The following LRRC37A2 variants were observed in gnomAD, a reference collection of about 807,000 sequenced individuals.
The protein encoded by LRRC37A2 is leucine rich repeat containing 37 member A2.
A neutral mutation model predicts 68.8 loss-of-function variants in LRRC37A2; 9 were observed. That is an observed-to-expected ratio of 0.13 (90% CI 0.08 to 0.23). The LOEUF is 0.23. Ranked by LOEUF, LRRC37A2 falls within the 10% of genes least tolerant of loss-of-function variation. The pLI is 1.00. For synonymous variants in LRRC37A2, 63 were observed against 367.6 expected, an observed-to-expected ratio of 0.17 and a Z score of 9.48; for missense variants, 168 against 950.4, an observed-to-expected ratio of 0.18 and a Z score of 10.82.
chr17:46,931,500 C>T, the LRRC37A2 span: 37 of 462,946 alleles, frequency 8.0e-5, no homozygotes, highest in Non-Finnish European at 1.2e-4. Context: ...CACCTGAAGC[C>T]TAATGTTGCC....
chr17:46,811,655 G>A, the LRRC37A2 span, among the ~76,000 whole-genome samples: 1 of 152,170 alleles, frequency 6.6e-6, no homozygotes, highest in Non-Finnish European at 1.5e-5. Flanking sequence ...TTGCCTCTCA[G>A]AAGATTCTAG....
At chr17:46,952,300 G>C in the LRRC37A2 span, among the ~76,000 whole-genome samples, 1 of 152,218 alleles carries the variant, frequency 6.6e-6, no homozygotes, top group Non-Finnish European at 1.5e-5. Flanking sequence ...ATGCAGGACT[G>C]GGTCAGCAGC....
chr17:46,473,915 C>A, the LRRC37A2 span, among the ~76,000 whole-genome samples: 1 of 106,722 alleles, frequency 9.4e-6, no homozygotes, highest in East Asian at 2.4e-4. Context: ...AACAAAACAA[C>A]GATTATATCC....
the LRRC37A2 span, chr17:46,476,918 G>C: frequency 3.1e-6 from 1 of 323,512 alleles, no homozygotes; most frequent in South Asian, 4.8e-5. Flanking sequence ...GGAGGGTCTG[G>C]TGCGAGCAGC....
At chr17:47,009,729 C>T in the LRRC37A2 span, among the ~76,000 whole-genome samples, 25 of 152,232 alleles carry the variant, frequency 1.6e-4, no homozygotes, top group Admixed American at 1.4e-3. Flanking sequence ...TGTCCCAGGG[C>T]GCCATGTGCT....
At chr17:46,535,483 GTA>G (rs1218825141) in intron 6 of LRRC37A2, among the ~76,000 whole-genome samples, 1 of 81,820 alleles carries the variant, frequency 1.2e-5, no homozygotes, top group African/African-American at 8.7e-5. Flanking sequence ...CTCATTATGT[GTA>G]TGTTAGTAAG....
chr17:46,924,235 T>C, the LRRC37A2 span: 1 of 181,328 alleles, frequency 5.5e-6, no homozygotes, highest in African/African-American at 2.3e-5. Context: ...CTTTTGTATC[T>C]GGCTTATTTC....
At chr17:46,999,726 C>T in the LRRC37A2 span, among the ~76,000 whole-genome samples, 1 of 151,860 alleles carries the variant, frequency 6.6e-6, no homozygotes, top group Non-Finnish European at 1.5e-5. Flanking sequence ...CAGCCTGGAA[C>T]TATAGCTCAC....
chr17:46,829,655 G>A, the LRRC37A2 span, among the ~76,000 whole-genome samples: 1 of 152,138 alleles, frequency 6.6e-6, no homozygotes, highest in Non-Finnish European at 1.5e-5. Context: ...GCTGGGAGGG[G>A]CTGGTGGAAG....
chr17:46,475,899 A>ATC, the LRRC37A2 span, among the ~76,000 whole-genome samples: 1 of 73,396 alleles, frequency 1.4e-5, no homozygotes, highest in African/African-American at 4.7e-5. Flanking sequence ...AGTCAGAGAG[A>ATC]TCGTGTCACA....
At chr17:46,542,759 T>C (rs1487855445) in intron 8 of LRRC37A2, among the ~76,000 whole-genome samples, 1 of 150,410 alleles carries the variant, frequency 6.6e-6, no homozygotes, top group Admixed American at 6.6e-5. Context: ...GGGGCCCTAT[T>C]GTGAGTTTGT....
the LRRC37A2 span, among the ~76,000 whole-genome samples, chr17:46,934,085 C>T: frequency 6.6e-6 from 1 of 152,128 alleles, no homozygotes; most frequent in Non-Finnish European, 1.5e-5. Context: ...AGTAGAGCCA[C>T]CAGGATGGGC....
the LRRC37A2 span, among the ~76,000 whole-genome samples, chr17:46,722,963 G>A: frequency 2.6e-5 from 4 of 152,102 alleles, no homozygotes; most frequent in African/African-American, 7.2e-5. Flanking sequence ...AAACAAGAAC[G>A]TCACTACTTG....
chr17:46,462,131 T>C, the LRRC37A2 span, among the ~76,000 whole-genome samples: 53 of 81,854 alleles, frequency 6.5e-4, 1 homozygote, highest in East Asian at 9.9e-3. Flanking sequence ...TCAAATACTT[T>C]AGAAGGCAAG....
chr17:46,906,130 C>G, the LRRC37A2 span, among the ~76,000 whole-genome samples: 2 of 152,150 alleles, frequency 1.3e-5, no homozygotes, highest in Non-Finnish European at 2.9e-5. Context: ...CTCAGCCCAG[C>G]CCAGCCCCCA....
At chr17:46,732,874 G>A in the LRRC37A2 span, among the ~76,000 whole-genome samples, 1 of 152,312 alleles carries the variant, frequency 6.6e-6, no homozygotes, top group East Asian at 1.9e-4. Flanking sequence ...TGAGAACTCA[G>A]CAGCAGCAGC....
the LRRC37A2 span, among the ~76,000 whole-genome samples, chr17:46,836,778 C>T: frequency 6.6e-6 from 1 of 152,136 alleles, no homozygotes; most frequent in Non-Finnish European, 1.5e-5. Flanking sequence ...ACCAGGTGAC[C>T]TGTGTCCTGT....
chr17:47,018,096 G>A, the LRRC37A2 span: 3 of 1,524,662 alleles, frequency 2.0e-6, no homozygotes, highest in Admixed American at 1.7e-5. Flanking sequence ...AGTTAAACCT[G>A]CAGATGTGGA....
chr17:46,972,063 C>T, the LRRC37A2 span, among the ~76,000 whole-genome samples: 1 of 147,068 alleles, frequency 6.8e-6, no homozygotes, highest in Admixed American at 6.9e-5. Context: ...CAACCATAAT[C>T]ACCCTCAGTG....
Sources: gnomAD v4.1 joint callset for allele counts (sites outside exome capture counted in the v4.1 genomes callset) on GRCh38, gnomAD v4.1.1 for gene constraint, MANE v1.5 for transcripts, NCBI Gene and HGNC (gene_info 2026-07-23, HGNC 2026-07-21) for gene names.